Variants in PGAP1 observed in about 807,000 individuals in gnomAD.
PGAP1 encodes the protein GPI inositol-deacylase.
A neutral mutation model predicts 127.0 loss-of-function variants in PGAP1; 76 were observed. The ratio of observed to expected loss-of-function variants is 0.60; its 90% CI spans 0.50 to 0.72. The LOEUF (loss-of-function observed/expected upper bound fraction) is 0.72. Ranked by LOEUF, PGAP1 falls within the 30% of genes least tolerant of loss-of-function variation. The pLI is 0.00. For synonymous variants in PGAP1, 362 were observed against 366.5 expected (o/e 0.99, Z 0.14); for missense variants, 982 against 1,071.3 (o/e 0.92, Z 1.16).
chr2:196,923,406 T>C (rs1193184674), intron 1 of PGAP1, among the ~76,000 whole-genome samples: 3 of 152,170 alleles, frequency 2.0e-5, no homozygotes, highest in African/African-American at 7.2e-5. Flanking sequence ...CTCCCTTATA[T>C]GAAAAGCTCT....
At chr2:196,863,141 T>C (rs2125791470) in intron 20 of PGAP1, among the ~76,000 whole-genome samples, 1 of 152,268 alleles carries the variant, frequency 6.6e-6, no homozygotes, top group Non-Finnish European at 1.5e-5. Context: ...AGTACAGCCA[T>C]TATGAAAAAC....
At chr2:196,902,831 G>A in intron 4 of PGAP1, 89 bp from the exon 5 acceptor site, 2 of 954,612 alleles carry the variant, frequency 2.1e-6, no homozygotes, top group Non-Finnish European at 3.0e-6. Flanking sequence ...ATATGTAACT[G>A]AATTTTTGCT....
intron 1 of PGAP1, among the ~76,000 whole-genome samples, chr2:196,924,811 C>G (rs1477340872): frequency 6.6e-6 from 1 of 152,142 alleles, no homozygotes; most frequent in Non-Finnish European, 1.5e-5. Flanking sequence ...GATCCATATG[C>G]TTTGTTCCCA....
intron 3 of PGAP1, 40 bp from the exon 4 acceptor site, chr2:196,913,093 A>G (rs1455919158): frequency 6.4e-7 from 1 of 1,551,298 alleles, no homozygotes; most frequent in Non-Finnish European, 8.7e-7. Context: ...GCGGCTTTGT[A>G]TCATTTTTAA....
At chr2:196,862,943 G>A (rs887387867) in intron 20 of PGAP1, among the ~76,000 whole-genome samples, 1 of 152,064 alleles carries the variant, frequency 6.6e-6, no homozygotes, top group Non-Finnish European at 1.5e-5. Flanking sequence ...CATACCAATG[G>A]CCAACAGATG....
At chr2:196,898,652 A>G (rs1702369391) in intron 5 of PGAP1, among the ~76,000 whole-genome samples, 1 of 152,228 alleles carries the variant, frequency 6.6e-6, no homozygotes, top group Non-Finnish European at 1.5e-5. Context: ...AGACTCCTAA[A>G]GTTTAATGTC....
At chr2:196,902,060 T>C (rs556577143) in intron 5 of PGAP1, among the ~76,000 whole-genome samples, 1 of 152,312 alleles carries the variant, frequency 6.6e-6, no homozygotes, top group African/African-American at 2.4e-5. Flanking sequence ...TGTTCTGTCA[T>C]CCAGGCTGAG....
In PGAP1 at chr2:196,856,010, T is replaced by TTG. The variant is rs1249405884; in HGVS notation, c.1862-7975_1862-7974dup. Among the ~76,000 whole-genome samples the TTG allele has an allele frequency of 1.4e-3, 220 of 152,048 alleles. 1 individual carries two copies. Among genetic ancestry groups the TTG allele is most frequent in the African/African-American group, 5.1e-3 (211 of 41,498 alleles). ...AAGAGGTTTTTATTGTTTTTGTTTT[T>TTG]TGTGTGTGTGTGTTTTGTTTTGAGA... On this transcript the variant is annotated intron_variant, in intron 20 of 26. Transcript: ENST00000354764.
At chr2:196,892,926 C>A (rs972779577) in intron 8 of PGAP1, among the ~76,000 whole-genome samples, 7 of 152,004 alleles carry the variant, frequency 4.6e-5, no homozygotes, top group African/African-American at 1.7e-4. Flanking sequence ...AAAATTTTTA[C>A]CAGCAATCTC....
chr2:196,847,813 G>T lies in PGAP1; in HGVS notation c.1952+134C>A, dbSNP rs981826580. 25 of 535,192 alleles carry T rather than the reference G, an allele frequency of 4.7e-5. No individual in the cohort carries two copies. In the South Asian group the frequency reaches 6.7e-4, roughly 14 times the overall value. The allele number at this position is 535,192 out of a possible 1,614,324, so 33.2% of individuals were successfully genotyped here. A position where few individuals can be genotyped will look rare whatever the true frequency, so the allele number is the denominator to read the frequency against. On this transcript the variant is annotated intron_variant, in intron 21 of 26. Transcript: ENST00000354764. ...ATACTTATTAGACCTTTGCCTAAGAGAAAAAAAAAACCTCATTTAATGAAA... is the reference window on the plus strand; with the variant it reads ...ATACTTATTAGACCTTTGCCTAAGATAAAAAAAAAACCTCATTTAATGAAA...
At chr2:196,864,914 A>G (rs1301028334) in intron 20 of PGAP1, 73 bp downstream of exon 20, 1 of 720,410 alleles carries the variant, frequency 1.4e-6, no homozygotes, top group East Asian at 3.1e-5. Context: ...ATATAAACAC[A>G]TATGTGGAAC....
At chr2:196,850,747 A>G (rs529160223) in intron 20 of PGAP1, among the ~76,000 whole-genome samples, 140 of 151,976 alleles carry the variant, frequency 9.2e-4, no homozygotes, top group Non-Finnish European at 8.2e-4. Context: ...TGAAAAAAAG[A>G]GATGGGAGGG....
At chr2:196,874,149 T>C (rs1353942832) in intron 14 of PGAP1, among the ~76,000 whole-genome samples, 1 of 151,936 alleles carries the variant, frequency 6.6e-6, no homozygotes, top group East Asian at 1.9e-4. Context: ...ATCCTAAAGT[T>C]TTGCCAAGTA....
chr2:196,892,433 T>C, intron 8 of PGAP1, 32 bp from the exon 9 acceptor site: 2 of 1,036,842 alleles, frequency 1.9e-6, no homozygotes, highest in Non-Finnish European at 2.9e-6. Flanking sequence ...TTATTTGCCT[T>C]GTTTTGTTTT....
chr2:196,879,196 C>G (rs1054507571), intron 13 of PGAP1, among the ~76,000 whole-genome samples: 1 of 152,176 alleles, frequency 6.6e-6, no homozygotes, highest in African/African-American at 2.4e-5. Flanking sequence ...GCTTCAACTT[C>G]CCAAGTAGCT....
chr2:196,873,572 T>G lies in PGAP1; in HGVS notation c.1508A>C (p.Gln503Pro), dbSNP rs1559346395. ...GCTTACCACGTTGATTTTAAAAGCT[T>G]GGTATATCTAATAGAGTTTGACCAC... ...LELLNFGQIYQAFKINVVSKC... is the reference protein window; with the variant it reads ...LELLNFGQIYPAFKINVVSKC... Residue 503 changes from glutamine (Q) to proline (P), a missense_variant, in exon 16 of 27, where the codon CAA becomes CCA. Transcript: ENST00000354764. The G allele has an allele frequency of 6.2e-7, 1 of 1,611,270 alleles. No homozygotes were observed. Among genetic ancestry groups the G allele is most frequent in the East Asian group, 2.2e-5 (1 of 44,700 alleles).
chr2:196,841,072 C>G lies in PGAP1; in HGVS notation c.*162G>C, dbSNP rs1418675946. 1.2e-6 allele frequency: 1 copy of G among 825,024 alleles called. No homozygotes were observed. Among genetic ancestry groups the G allele is most frequent in the Non-Finnish European group, 1.9e-6 (1 of 539,526 alleles). The allele number at this position is 825,024 out of a possible 1,614,324, so 51.1% of individuals were successfully genotyped here. On this transcript the variant is annotated 3_prime_UTR_variant, in exon 27 of 27. Transcript: ENST00000354764. Reference sequence around the variant, plus strand: ...ACAAAACAAAACCATGCTTCAACTACTTCCCTCAAACATTACAAAACTAAT... The same window carrying G: ...ACAAAACAAAACCATGCTTCAACTAGTTCCCTCAAACATTACAAAACTAAT...
At chr2:196,870,299 C>CTT (rs762457188) in intron 19 of PGAP1, among the ~76,000 whole-genome samples, 11 of 139,816 alleles carry the variant, frequency 7.9e-5, no homozygotes, top group African/African-American at 1.3e-4. Flanking sequence ...TTCTTTCTTT[C>CTT]TTTTTTTTTT....
At chr2:196,886,457 C>G (rs946595329) in intron 10 of PGAP1, among the ~76,000 whole-genome samples, 1 of 151,836 alleles carries the variant, frequency 6.6e-6, no homozygotes, top group African/African-American at 2.4e-5. Context: ...CACCACGCCT[C>G]GCCATCTTTC....
Sources: gnomAD v4.1 joint callset for allele counts (sites outside exome capture counted in the v4.1 genomes callset) on GRCh38, gnomAD v4.1.1 for gene constraint, MANE v1.5 for transcripts, NCBI Gene and HGNC (gene_info 2026-07-23, HGNC 2026-07-21) for gene names.